The following AMD1 variants were observed in gnomAD, a reference collection of about 807,000 sequenced individuals.
AMD1 encodes S-adenosylmethionine decarboxylase proenzyme.
A neutral mutation model predicts 40.2 loss-of-function variants in AMD1; 11 were observed. The ratio of observed to expected loss-of-function variants is 0.27; its 90% CI spans 0.17 to 0.45. AMD1 has a LOEUF of 0.45. Ranked by LOEUF, AMD1 falls within the 20% of genes least tolerant of loss-of-function variation. The probability of loss-of-function intolerance (pLI) is 1.00; values close to 1 mark genes in which losing one functional copy is unlikely to be tolerated. For missense variants in AMD1, 257 were observed against 410.2 expected, an observed-to-expected ratio of 0.63 and a Z score of 3.23; for synonymous variants, 121 against 130.8, an observed-to-expected ratio of 0.93 and a Z score of 0.51.
At chr6:110,823,411 G>A in the AMD1 span, among the ~76,000 whole-genome samples, 8 of 152,090 alleles carry the variant, frequency 5.3e-5, no homozygotes, top group African/African-American at 1.4e-4. Flanking sequence ...AAAGGCATCC[G>A]AATTGGAAAA....
the AMD1 span, among the ~76,000 whole-genome samples, chr6:110,837,250 C>T: frequency 1.4e-5 from 2 of 140,308 alleles, no homozygotes; most frequent in African/African-American, 5.3e-5. Context: ...GGGAGGATGA[C>T]TTGAGCCCAG....
the AMD1 span, among the ~76,000 whole-genome samples, chr6:110,819,925 G>C: frequency 6.6e-6 from 1 of 152,136 alleles, no homozygotes; most frequent in Non-Finnish European, 1.5e-5. Context: ...TAATGCATTA[G>C]CATGCATTAT....
chr6:110,826,271 CAAAAAAAAAAAAAA>C, the AMD1 span, among the ~76,000 whole-genome samples: 2 of 59,346 alleles, frequency 3.4e-5, no homozygotes, highest in Non-Finnish European at 6.0e-5. Flanking sequence ...GACACCATCC[CAAAAAAAAAAAAAA>C]AAAAAAAAAA....
At chr6:110,862,281 T>C in the AMD1 span, among the ~76,000 whole-genome samples, 1 of 151,706 alleles carries the variant, frequency 6.6e-6, no homozygotes, top group African/African-American at 2.4e-5. Flanking sequence ...TCTTTTTTGT[T>C]CTCTGAATTC....
At chr6:110,821,879 A>G in the AMD1 span, among the ~76,000 whole-genome samples, 1 of 152,236 alleles carries the variant, frequency 6.6e-6, no homozygotes, top group Non-Finnish European at 1.5e-5. Context: ...AAAGGTCACA[A>G]ATTGACAACC....
At chr6:110,824,933 G>A in the AMD1 span, among the ~76,000 whole-genome samples, 27 of 152,128 alleles carry the variant, frequency 1.8e-4, no homozygotes, top group Non-Finnish European at 3.2e-4. Context: ...GAGGCTCCAG[G>A]AGGATAATTT....
intron 1 of AMD1, among the ~76,000 whole-genome samples, chr6:110,879,215 C>G (rs1424000403): frequency 1.3e-5 from 2 of 152,122 alleles, no homozygotes; most frequent in African/African-American, 4.8e-5. Context: ...GCTGGTCCAT[C>G]CTGGTGCGTG....
At chr6:110,877,492 A>G (rs993997245) in intron 1 of AMD1, among the ~76,000 whole-genome samples, 5 of 152,278 alleles carry the variant, frequency 3.3e-5, no homozygotes, top group African/African-American at 1.2e-4. Context: ...GACCCCAGGG[A>G]AGGATAATCG....
At chr6:110,891,900 GC>G (rs1455448409) in intron 4 of AMD1, 1 of 473,782 alleles carries the variant, frequency 2.1e-6, no homozygotes, top group Non-Finnish European at 3.8e-6. Context: ...GTGCCAACAC[GC>G]CCAGCTACTT....
At chr6:110,825,522 A>G in the AMD1 span, among the ~76,000 whole-genome samples, 5 of 152,198 alleles carry the variant, frequency 3.3e-5, no homozygotes, top group African/African-American at 7.2e-5. Flanking sequence ...TGCAAGAGTC[A>G]CGGGGCTTAT....
chr6:110,858,800 A>T, the AMD1 span: 1 of 768,168 alleles, frequency 1.3e-6, no homozygotes. Context: ...CAGCACAAGG[A>T]GGCATCTCTA....
At chr6:110,851,168 G>T in the AMD1 span, among the ~76,000 whole-genome samples, 2 of 152,022 alleles carry the variant, frequency 1.3e-5, no homozygotes, top group Non-Finnish European at 1.5e-5. Context: ...GTTTCAGCAT[G>T]TTGGCCAGGG....
the AMD1 span, among the ~76,000 whole-genome samples, chr6:110,855,870 C>T: frequency 6.6e-6 from 1 of 152,036 alleles, no homozygotes; most frequent in East Asian, 1.9e-4. Flanking sequence ...CACTTGAGTC[C>T]AGGAGTTGGA....
the AMD1 span, chr6:110,815,763 G>A: frequency 6.6e-6 from 1 of 152,452 alleles, no homozygotes; most frequent in Non-Finnish European, 1.5e-5. Context: ...ATACTTCACT[G>A]TAACTAGCCC....
the AMD1 span, among the ~76,000 whole-genome samples, chr6:110,845,078 C>T: frequency 2.2e-5 from 3 of 139,410 alleles, no homozygotes; most frequent in Non-Finnish European, 4.6e-5. Flanking sequence ...CTCACTCTGT[C>T]GCCCAGGCTG....
intron 1 of AMD1, among the ~76,000 whole-genome samples, chr6:110,880,005 G>A (rs559346957): frequency 2.0e-5 from 3 of 151,292 alleles, no homozygotes; most frequent in Non-Finnish European, 2.9e-5. Context: ...ACCCAGGTTC[G>A]AGTGCAGTGG....
At chr6:110,869,670 C>G in the AMD1 span, among the ~76,000 whole-genome samples, 1 of 150,908 alleles carries the variant, frequency 6.6e-6, no homozygotes, top group Non-Finnish European at 1.5e-5. Flanking sequence ...CCACCACGCT[C>G]GGCTGACTTT....
chr6:110,842,522 T>A, the AMD1 span, among the ~76,000 whole-genome samples: 1 of 152,238 alleles, frequency 6.6e-6, no homozygotes, highest in Non-Finnish European at 1.5e-5. Context: ...ACACTCTGAC[T>A]ACTGCTATTG....
chr6:110,815,239 TCTCG>T, the AMD1 span: 1 of 1,148,824 alleles, frequency 8.7e-7, no homozygotes, highest in Admixed American at 4.6e-5. Context: ...AACAGCCGCC[TCTCG>T]CGCGCGCGCG....
Sources: allele counts gnomAD v4.1 joint callset (sites outside exome capture counted in the v4.1 genomes callset), GRCh38; gene constraint gnomAD v4.1.1; transcripts MANE v1.5; gene names NCBI Gene and HGNC (gene_info 2026-07-23, HGNC 2026-07-21).